The following SCN11A variants were observed in gnomAD, a reference collection of about 807,000 sequenced individuals.
The protein encoded by SCN11A is sodium channel protein type 11 subunit alpha.
In SCN11A, 122 loss-of-function variants were observed where a neutral mutation model predicts 162.2. The observed-to-expected ratio is 0.75, with a 90% CI of 0.65 to 0.87. SCN11A has a LOEUF of 0.87. Ranked by LOEUF, SCN11A falls within the 40% of genes least tolerant of loss-of-function variation. SCN11A has a pLI of 0.00. For synonymous variants in SCN11A, 758 were observed against 751.5 expected, an observed-to-expected ratio of 1.01 and a Z score of -0.14; for missense variants, 2,015 against 2,181.6, an observed-to-expected ratio of 0.92 and a Z score of 1.52.
At chr3:38,942,403 T>C (rs1021278869) in intron 7 of SCN11A, among the ~76,000 whole-genome samples, 10 of 152,168 alleles carry the variant, frequency 6.6e-5, no homozygotes, top group African/African-American at 2.4e-4. Flanking sequence ...AGAATCCACA[T>C]TCTTTCCAAG....
At chr3:39,023,950 C>G (rs533783576) in intron 2 of SCN11A, among the ~76,000 whole-genome samples, 2 of 152,174 alleles carry the variant, frequency 1.3e-5, no homozygotes, top group Non-Finnish European at 2.9e-5. Context: ...GCCAAGATCC[C>G]CAACTTTCAG....
At chr3:38,907,866 T>A in intron 14 of SCN11A, 83 bp downstream of exon 14, 1 of 1,194,850 alleles carries the variant, frequency 8.4e-7, no homozygotes, top group Non-Finnish European at 1.2e-6. Flanking sequence ...ACTGAATAAA[T>A]GAATTATTTC....
chr3:38,990,101 T>C (rs920440352), intron 2 of SCN11A, among the ~76,000 whole-genome samples: 1 of 152,210 alleles, frequency 6.6e-6, no homozygotes, highest in African/African-American at 2.4e-5. Context: ...TCAGGGGAAG[T>C]GCAGAGCATT....
In SCN11A at chr3:38,909,180, A is replaced by G. The variant is rs866998510; in HGVS notation, c.1116T>C (p.Thr372=). The change falls in exon 13 of 30, where the codon ACT becomes ACC. Residue 372 remains threonine, a synonymous_variant. Transcript: ENST00000302328. ...TGAAGAAGAAGACTGAGTAGAGCCCAGTAGTACGCAGGGTCTGCAAAGGAC... is the reference window on the plus strand; with the variant it reads ...TGAAGAAGAAGACTGAGTAGAGCCCGGTAGTACGCAGGGTCTGCAAAGGAC... ...EKLYQQTLRT[T]GLYSVFFFIV... 26 of 1,614,068 alleles carry G rather than the reference A, an allele frequency of 1.6e-5. 1 individual carries two copies. In the Middle Eastern group the frequency reaches 4.0e-3, roughly 246 times the overall value.
intron 5 of SCN11A, among the ~76,000 whole-genome samples, chr3:38,949,040 T>C (rs966055892): frequency 9.8e-5 from 15 of 152,346 alleles, no homozygotes; most frequent in African/African-American, 3.6e-4. Context: ...ACTCTAAGTC[T>C]ATCCCAATTG....
rs751479899 is a variant in SCN11A at position 38,904,033 on chromosome 3, G to C, written c.1674C>G (p.Asn558Lys). 6.2e-7 allele frequency: 1 copy of C among 1,608,036 alleles called. No individual in the cohort carries two copies. Among genetic ancestry groups the C allele is most frequent in the Non-Finnish European group, 8.5e-7 (1 of 1,178,504 alleles). Residue 558 changes from asparagine to lysine, a missense_variant, in exon 16 of 30, where the codon AAC becomes AAG. Asn to Lys is a moderately conservative substitution (Grantham distance 94). Transcript: ENST00000302328. ...TAACGCACAGCCACTGGGGGCAACA[G>C]TTCCACACGAGGTACTTGGATGCCA... ...ENLASKYLVW[N>K]CCPQWLCVKK...
chr3:39,033,471 T>G (rs890699513), intron 1 of SCN11A, among the ~76,000 whole-genome samples: 1 of 152,212 alleles, frequency 6.6e-6, no homozygotes, highest in Non-Finnish European at 1.5e-5. Context: ...AGAAGTACCT[T>G]GTGAGAAAAG....
intron 9 of SCN11A, among the ~76,000 whole-genome samples, chr3:38,922,594 T>C (rs985516239): frequency 2.0e-5 from 3 of 151,994 alleles, no homozygotes; most frequent in African/African-American, 7.3e-5. Context: ...TTTACTTATG[T>C]GAAAATAAAA....
chr3:39,010,138 T>C (rs550515199), intron 2 of SCN11A, among the ~76,000 whole-genome samples: 1 of 152,074 alleles, frequency 6.6e-6, no homozygotes, highest in Admixed American at 6.5e-5. Context: ...CAACAGATAA[T>C]AACTAATTCT....
intron 23 of SCN11A, among the ~76,000 whole-genome samples, chr3:38,873,734 C>T (rs917550928): frequency 6.6e-6 from 1 of 152,178 alleles, no homozygotes; most frequent in Non-Finnish European, 1.5e-5. Context: ...CAGTGAGACA[C>T]ATAGAAACAC....
At chr3:38,976,634 A>T (rs761350143) in intron 2 of SCN11A, among the ~76,000 whole-genome samples, 3 of 152,218 alleles carry the variant, frequency 2.0e-5, no homozygotes, top group Non-Finnish European at 4.4e-5. Context: ...TCTTGTCCCA[A>T]GTATTTTGGA....
chr3:39,015,458 T>C (rs574539272), intron 2 of SCN11A, among the ~76,000 whole-genome samples: 15 of 152,326 alleles, frequency 9.8e-5, no homozygotes, highest in South Asian at 4.1e-4. Flanking sequence ...GACTGACTTA[T>C]GGCCATAGGA....
At chr3:38,908,699 C>T (rs533371026) in intron 13 of SCN11A, among the ~76,000 whole-genome samples, 56 of 152,242 alleles carry the variant, frequency 3.7e-4, no homozygotes, top group Admixed American at 2.3e-3. Flanking sequence ...TTTACATATA[C>T]TTATGTTGTA....
At chr3:38,938,815 C>T (rs190231231) in intron 7 of SCN11A, among the ~76,000 whole-genome samples, 1,954 of 151,436 alleles carry the variant, frequency 0.013, 42 homozygotes, top group African/African-American at 0.043. Context: ...CTGCCCGCCT[C>T]GGCCTCCCAA....
chr3:38,926,675 C>A, intron 8 of SCN11A, 128 bp downstream of exon 8: 1 of 939,044 alleles, frequency 1.1e-6, no homozygotes, highest in Non-Finnish European at 1.6e-6. Flanking sequence ...ACCAACACAG[C>A]ACTCAGAGCT....
At chr3:38,951,255 T>C (rs1015549806) in intron 4 of SCN11A, among the ~76,000 whole-genome samples, 6 of 152,170 alleles carry the variant, frequency 3.9e-5, no homozygotes, top group Non-Finnish European at 5.9e-5. Flanking sequence ...AGCAGCCGGC[T>C]GGCCCTGCCG....
At chr3:38,961,182 G>C (rs1413234382) in intron 2 of SCN11A, among the ~76,000 whole-genome samples, 1 of 152,114 alleles carries the variant, frequency 6.6e-6, no homozygotes, top group Non-Finnish European at 1.5e-5. Context: ...CTGCCACAAG[G>C]GGCGCTGAAT....
At chr3:38,991,278 C>T (rs749809846) in intron 2 of SCN11A, among the ~76,000 whole-genome samples, 1 of 152,150 alleles carries the variant, frequency 6.6e-6, no homozygotes, top group Non-Finnish European at 1.5e-5. Context: ...AAGACCAAGC[C>T]AGGGCCAGTC....
intron 2 of SCN11A, among the ~76,000 whole-genome samples, chr3:38,996,078 T>C (rs555265712): frequency 2.8e-4 from 42 of 152,274 alleles, no homozygotes; most frequent in African/African-American, 8.4e-4. Flanking sequence ...ATCTACAAGA[T>C]AGGAAGAGGG....
Sources: allele counts gnomAD v4.1 joint callset (sites outside exome capture counted in the v4.1 genomes callset), GRCh38; gene constraint gnomAD v4.1.1; transcripts MANE v1.5; gene names NCBI Gene and HGNC (gene_info 2026-07-23, HGNC 2026-07-21).